Variants in SRBD1 observed in about 807,000 individuals in gnomAD.
SRBD1 encodes S1 RNA binding domain 1, also known as S1 RNA-binding domain-containing protein 1.
In SRBD1, 88 loss-of-function variants were observed where a neutral mutation model predicts 115.3. The observed-to-expected ratio is 0.76, with a 90% confidence interval of 0.64 to 0.91. The LOEUF (loss-of-function observed/expected upper bound fraction) is 0.91, where lower values mean the gene tolerates loss of function less well. Ranked by LOEUF, SRBD1 falls within the 40% of genes least tolerant of loss-of-function variation. The probability of loss-of-function intolerance (pLI) is 0.00; values close to 1 mark genes in which losing one functional copy is unlikely to be tolerated. For synonymous variants in SRBD1, 509 were observed against 407.7 expected (o/e 1.25, Z -2.99); for missense variants, 1,385 against 1,177.4 (o/e 1.18, Z -2.58).
intron 16 of SRBD1, among the ~76,000 whole-genome samples, chr2:45,457,471 C>T (rs1168581657): frequency 6.6e-6 from 1 of 151,924 alleles, no homozygotes; most frequent in Non-Finnish European, 1.5e-5. Flanking sequence ...AAAATATTCA[C>T]CTTTTATATG....
chr2:45,472,641 T>C (rs900798408), intron 16 of SRBD1, among the ~76,000 whole-genome samples: 17 of 152,212 alleles, frequency 1.1e-4, no homozygotes, highest in African/African-American at 4.1e-4. Flanking sequence ...TCACCATGCC[T>C]AGCTTCAAGC....
chr2:45,565,078 C>T (rs1193553656), intron 9 of SRBD1, among the ~76,000 whole-genome samples: 7 of 152,166 alleles, frequency 4.6e-5, no homozygotes, highest in Admixed American at 2.6e-4. Context: ...TTTACAAATT[C>T]AGTGAAATCC....
At chr2:45,533,798 G>A (rs879336178) in intron 14 of SRBD1, among the ~76,000 whole-genome samples, 1 of 152,036 alleles carries the variant, frequency 6.6e-6, no homozygotes, top group Non-Finnish European at 1.5e-5. Flanking sequence ...TTCTGTTAGA[G>A]CCTAAATATA....
chr2:45,590,711 G>C (rs1402055321), intron 4 of SRBD1, among the ~76,000 whole-genome samples: 2 of 152,114 alleles, frequency 1.3e-5, no homozygotes, highest in Non-Finnish European at 2.9e-5. Flanking sequence ...ATGCTGTACT[G>C]TAAGTCAATT....
chr2:45,578,931 TACTC>T (rs536238577), intron 7 of SRBD1, among the ~76,000 whole-genome samples: 120 of 152,328 alleles, frequency 7.9e-4, no homozygotes, highest in Non-Finnish European at 1.1e-3. Flanking sequence ...TTGACTATAA[TACTC>T]ACTTCACTAT....
At chr2:45,566,827 T>C (rs1276980183) in intron 9 of SRBD1, among the ~76,000 whole-genome samples, 2 of 152,192 alleles carry the variant, frequency 1.3e-5, no homozygotes, top group East Asian at 3.9e-4. Context: ...TAACTATATA[T>C]TTATGTATAT....
At chr2:45,488,408 G>A (rs1474995900) in intron 14 of SRBD1, 77 bp from the exon 15 acceptor site, 23 of 1,270,406 alleles carry the variant, frequency 1.8e-5, no homozygotes, top group Non-Finnish European at 2.3e-5. Flanking sequence ...ATGAAACCAG[G>A]CATTACCAGA....
chr2:45,390,645 C>T lies in SRBD1; in HGVS notation c.2699-1046G>A, dbSNP rs180937031. Among the ~76,000 whole-genome samples, 14 of 152,228 alleles carry T rather than the reference C, an allele frequency of 9.2e-5. No individual in the cohort carries two copies. The East Asian group carries it at 2.5e-3, about 27-fold the overall frequency. On this transcript the variant is annotated intron_variant, in intron 20 of 20. Transcript: ENST00000263736. ...TTTTACTAAGGCCTCATTTTCCCCT[C>T]CACCCATTCCATTTCCTTTTCCTCC...
rs7594370 is a variant in SRBD1 at position 45,576,631 on chromosome 2, C to T, written c.1073-1908G>A. 9.4e-3 allele frequency among the ~76,000 whole-genome samples: 1,435 copies of T among 152,284 alleles called. 16 individuals are homozygous for T. The highest frequency in any genetic ancestry group is 0.031 in the Middle Eastern group (9 of 294). Reference sequence around the variant, plus strand: ...GACTGTATATCTAATGGACTTAAAACAGCTATAACACATAGAGCACTCAAT... The same window carrying T: ...GACTGTATATCTAATGGACTTAAAATAGCTATAACACATAGAGCACTCAAT... On this transcript the variant is annotated intron_variant, in intron 7 of 20. Coordinates refer to ENST00000263736, the MANE Select transcript of SRBD1 (RefSeq NM_018079.5).
chr2:45,546,310 T>C, intron 14 of SRBD1: 1 of 985,476 alleles, frequency 1.0e-6, no homozygotes, highest in Non-Finnish European at 1.2e-6. Flanking sequence ...TAATTCATAA[T>C]ACTTACCTTG....
intron 4 of SRBD1, among the ~76,000 whole-genome samples, chr2:45,590,410 T>C (rs1436279463): frequency 1.3e-5 from 2 of 152,200 alleles, no homozygotes; most frequent in Admixed American, 6.5e-5. Context: ...GTAGAAATTA[T>C]GGTTCAGGAG....
At chr2:45,563,228 C>A (rs928580666) in intron 9 of SRBD1, among the ~76,000 whole-genome samples, 4 of 151,990 alleles carry the variant, frequency 2.6e-5, no homozygotes, top group African/African-American at 9.7e-5. Flanking sequence ...CTCAAGTAAT[C>A]CTTAGAGTCA....
chr2:45,570,685 C>G (rs946573937), intron 9 of SRBD1, among the ~76,000 whole-genome samples: 2 of 152,204 alleles, frequency 1.3e-5, no homozygotes, highest in Non-Finnish European at 2.9e-5. Flanking sequence ...GCACTTTTAA[C>G]GTACCCCAGT....
intron 11 of SRBD1, among the ~76,000 whole-genome samples, chr2:45,552,521 A>C (rs1303013674): frequency 6.6e-6 from 1 of 152,216 alleles, no homozygotes; most frequent in Non-Finnish European, 1.5e-5. Flanking sequence ...AAAATGTCAA[A>C]AGTGCCACTA....
At chr2:45,546,178 G>A in intron 14 of SRBD1, 1 of 985,360 alleles carries the variant, frequency 1.0e-6, no homozygotes, top group Non-Finnish European at 1.2e-6. Context: ...CAAATGCAGG[G>A]GCAAGACTAG....
chr2:45,437,625 G>A (rs1668539417), intron 16 of SRBD1, among the ~76,000 whole-genome samples: 1 of 152,188 alleles, frequency 6.6e-6, no homozygotes, highest in South Asian at 2.1e-4. Flanking sequence ...CTACTCAGGA[G>A]CCTGAGATGG....
At chr2:45,412,114 CAA>C (rs796492403) in intron 19 of SRBD1, among the ~76,000 whole-genome samples, 14 of 151,114 alleles carry the variant, frequency 9.3e-5, no homozygotes, top group African/African-American at 3.4e-4. Context: ...AAAAACAAAA[CAA>C]AACAAAACAA....
intron 14 of SRBD1, among the ~76,000 whole-genome samples, chr2:45,500,627 G>A (rs905085030): frequency 2.0e-5 from 3 of 152,038 alleles, no homozygotes; most frequent in Non-Finnish European, 2.9e-5. Flanking sequence ...TGTTGCCCAG[G>A]CTGGTCTTGA....
chr2:45,545,292 A>AAAAAAAAC, intron 14 of SRBD1, among the ~76,000 whole-genome samples: 2 of 52,384 alleles, frequency 3.8e-5, no homozygotes, highest in African/African-American at 1.3e-4. Flanking sequence ...TTAAAAAAAA[A>AAAAAAAAC]AAAAAAAAAA....
Sources: gnomAD v4.1 joint callset for allele counts (sites outside exome capture counted in the v4.1 genomes callset) on GRCh38, gnomAD v4.1.1 for gene constraint, MANE v1.5 for transcripts, NCBI Gene and HGNC (gene_info 2026-07-23, HGNC 2026-07-21) for gene names.